The following RAB38 variants were observed in gnomAD, a reference collection of about 807,000 sequenced individuals.
RAB38 encodes the protein RAB38, member RAS oncogene family, also known as ras-related protein Rab-38.
Under a neutral mutation model 18.4 loss-of-function variants are expected in RAB38, and 15 were observed. That is an observed-to-expected ratio of 0.82 (90% CI 0.55 to 1.26). The LOEUF is 1.26. Among genes scored for constraint, RAB38 ranks in the 50% most tolerant of loss-of-function variants. The pLI is 0.00. For missense variants in RAB38, 294 were observed against 267.4 expected (o/e 1.10, Z -0.69); for synonymous variants, 101 against 104.4 (o/e 0.97, Z 0.20).
the RAB38 span, among the ~76,000 whole-genome samples, chr11:87,932,932 GT>G: frequency 6.6e-6 from 1 of 152,056 alleles, no homozygotes; most frequent in Non-Finnish European, 1.5e-5. Flanking sequence ...TTAGAGTCAA[GT>G]CATCTTGGTT....
intron 2 of RAB38, among the ~76,000 whole-genome samples, chr11:88,125,113 T>C (rs564668452): frequency 1.1e-4 from 16 of 152,302 alleles, no homozygotes; most frequent in Non-Finnish European, 1.9e-4. Context: ...ACTGCAATCA[T>C]CCTCTATATT....
At chr11:87,903,466 GTTT>G in the RAB38 span, among the ~76,000 whole-genome samples, 1 of 151,408 alleles carries the variant, frequency 6.6e-6, no homozygotes, top group Non-Finnish European at 1.5e-5. Flanking sequence ...ACTTATTCAT[GTTT>G]TGTAAAGAAC....
chr11:87,910,741 A>G, the RAB38 span, among the ~76,000 whole-genome samples: 1 of 147,902 alleles, frequency 6.8e-6, no homozygotes, highest in Non-Finnish European at 1.5e-5. Flanking sequence ...CCCTGGTTCA[A>G]GTGATTCTCC....
downstream of RAB38, chr11:88,113,127 A>G (rs1942495455): frequency 6.6e-6 from 1 of 152,340 alleles, no homozygotes; most frequent in Admixed American, 6.6e-5. Flanking sequence ...TTCTTTAAGC[A>G]TACATTTCTC....
At chr11:88,017,660 T>G in the RAB38 span, among the ~76,000 whole-genome samples, 2 of 139,736 alleles carry the variant, frequency 1.4e-5, no homozygotes, top group South Asian at 4.3e-4. Flanking sequence ...CAATTTCAGC[T>G]CTGTCTCTAT....
the RAB38 span, among the ~76,000 whole-genome samples, chr11:87,860,473 AAG>A: frequency 1.3e-4 from 20 of 151,986 alleles, no homozygotes; most frequent in African/African-American, 4.6e-4. Flanking sequence ...ACTTTTAGAG[AAG>A]AGAGTGGACA....
chr11:88,158,765 C>G (rs111746525), intron 1 of RAB38, among the ~76,000 whole-genome samples: 2 of 151,922 alleles, frequency 1.3e-5, no homozygotes, highest in South Asian at 2.1e-4. Flanking sequence ...AAGGAACATG[C>G]CTCAACATAA....
chr11:88,083,594 A>G, the RAB38 span, among the ~76,000 whole-genome samples: 1 of 151,952 alleles, frequency 6.6e-6, no homozygotes, highest in African/African-American at 2.4e-5. Context: ...TTCAAAATTC[A>G]TGTTGAAACT....
At chr11:87,926,443 G>C in the RAB38 span, among the ~76,000 whole-genome samples, 3 of 152,146 alleles carry the variant, frequency 2.0e-5, no homozygotes, top group Admixed American at 2.0e-4. Context: ...TGCCTCATCT[G>C]TAAAATGAGA....
Position 88,175,223 on chromosome 11 carries a change from G to C in RAB38, c.162C>G (p.Asp54Glu). ...GCTGCAGGCGCACCACAGTCTCCGG[G>C]TCCCAGTGGAGCACCTTGAGCGCGA... ...VDFALKVLHW[D>E]PETVVRLQLW... Residue 54 changes from aspartate to glutamate, a missense_variant, in exon 1 of 3, where the codon GAC becomes GAG. By Grantham distance (45) the Asp-to-Glu change is conservative (BLOSUM62 2). Coordinates refer to ENST00000243662, the MANE Select transcript of RAB38 (RefSeq NM_022337.3). 6.2e-7 allele frequency: 1 copy of C among 1,613,850 alleles called. No homozygotes were observed. The highest frequency in any genetic ancestry group is 8.5e-7 in the Non-Finnish European group (1 of 1,179,918).
the RAB38 span, among the ~76,000 whole-genome samples, chr11:88,033,144 G>A: frequency 5.1e-4 from 78 of 151,726 alleles, no homozygotes; most frequent in Admixed American, 1.6e-3. Context: ...ACCAAACACC[G>A]CATATTCTCA....
the RAB38 span, among the ~76,000 whole-genome samples, chr11:88,011,961 A>C: frequency 1.3e-5 from 2 of 152,136 alleles, no homozygotes; most frequent in African/African-American, 4.8e-5. Context: ...TTGCCAGATT[A>C]AAGCTACCAT....
At chr11:87,816,135 G>A in the RAB38 span, 1 of 152,244 alleles carries the variant, frequency 6.6e-6, no homozygotes, top group Non-Finnish European at 1.5e-5. Flanking sequence ...ATTAGCGGAT[G>A]CGTTTTGCAT....
the RAB38 span, among the ~76,000 whole-genome samples, chr11:87,893,224 C>T: frequency 1.3e-5 from 2 of 150,670 alleles, no homozygotes; most frequent in South Asian, 4.2e-4. Context: ...CTGGCAGCTT[C>T]CAAACTTTGT....
the RAB38 span, among the ~76,000 whole-genome samples, chr11:88,026,544 C>T: frequency 1.6e-4 from 18 of 112,420 alleles, no homozygotes; most frequent in East Asian, 4.5e-3. Flanking sequence ...GCCTGGGCTA[C>T]AGAGCGAGAC....
chr11:88,025,053 C>A, the RAB38 span, among the ~76,000 whole-genome samples: 1 of 151,922 alleles, frequency 6.6e-6, no homozygotes, highest in Non-Finnish European at 1.5e-5. Context: ...ATAAATGCTT[C>A]AGGGGATGAA....
At chr11:88,132,642 A>C (rs948250645) in intron 2 of RAB38, among the ~76,000 whole-genome samples, 3 of 151,990 alleles carry the variant, frequency 2.0e-5, no homozygotes, top group African/African-American at 4.8e-5. Flanking sequence ...TATTTTTAGT[A>C]GAGATGGGGT....
the RAB38 span, among the ~76,000 whole-genome samples, chr11:87,938,906 A>G: frequency 2.6e-5 from 4 of 151,858 alleles, no homozygotes; most frequent in Non-Finnish European, 5.9e-5. Flanking sequence ...TAAGGTTTCA[A>G]TTGTACTTAG....
the RAB38 span, among the ~76,000 whole-genome samples, chr11:88,086,276 G>A: frequency 0.051 from 7,694 of 151,840 alleles, 387 homozygotes; most frequent in South Asian, 0.2. Context: ...GTAAAATTGC[G>A]TAAACATATT....
Sources: allele counts gnomAD v4.1 joint callset (sites outside exome capture counted in the v4.1 genomes callset), GRCh38; gene constraint gnomAD v4.1.1; transcripts MANE v1.5; gene names NCBI Gene and HGNC (gene_info 2026-07-23, HGNC 2026-07-21).